Variants in ALMS1 observed in about 807,000 individuals in gnomAD.
The protein encoded by ALMS1 is centrosome-associated protein ALMS1.
A neutral mutation model predicts 352.2 loss-of-function variants in ALMS1; 271 were observed. That is an observed-to-expected ratio of 0.77 (90% CI 0.70 to 0.85). The LOEUF is 0.85. ALMS1 is among the 40% of genes least tolerant of loss of function. The pLI, the probability that ALMS1 is intolerant of heterozygous loss-of-function variation, is 0.00. For missense variants in ALMS1, 5,445 were observed against 4,870.7 expected, an observed-to-expected ratio of 1.12 and a Z score of -3.51; for synonymous variants, 1,865 against 1,761.2, an observed-to-expected ratio of 1.06 and a Z score of -1.48.
chr2:73,408,037 A>G (rs939383777), intron 1 of ALMS1, among the ~76,000 whole-genome samples: 62 of 151,910 alleles, frequency 4.1e-4, no homozygotes, highest in Admixed American at 3.9e-3. Context: ...CTTTAGAAGG[A>G]AATCTTATAT....
chr2:73,586,018 C>G (rs1290113495), intron 16 of ALMS1, among the ~76,000 whole-genome samples: 1 of 152,156 alleles, frequency 6.6e-6, no homozygotes, highest in Admixed American at 6.5e-5. Context: ...CCTCGGCCTC[C>G]CAAGATGCTG....
intron 1 of ALMS1, among the ~76,000 whole-genome samples, chr2:73,390,632 T>C (rs1670624964): frequency 6.6e-6 from 1 of 152,200 alleles, no homozygotes; most frequent in Non-Finnish European, 1.5e-5. Flanking sequence ...CTACAGACCA[T>C]TCAGGCACTT....
At position 73,453,657 on chromosome 2, in the gene ALMS1, C is replaced by G. The variant is rs1251161710; in HGVS notation, c.7130C>G (p.Thr2377Ser). ...AAAGTCAGTATGGCATTAGAAGAAA[C>G]TCTTAGGCAATATCAAGCAGCCAAA... ...ESKVSMALEE[T>S]LRQYQAAKSV... Residue 2377 changes from threonine to serine, a missense_variant, in exon 8 of 23, where the codon ACT becomes AGT. Transcript: ENST00000613296. The G allele has an allele frequency of 6.2e-7, 1 of 1,614,046 alleles. No individual in the cohort carries two copies. The highest frequency in any genetic ancestry group is 2.2e-5 in the East Asian group (1 of 44,876).
intron 12 of ALMS1, among the ~76,000 whole-genome samples, chr2:73,537,972 G>A (rs1002068924): frequency 3.3e-5 from 5 of 152,094 alleles, no homozygotes; most frequent in Non-Finnish European, 7.4e-5. Context: ...CGCCACTGCA[G>A]TCCACTCTGG....
chr2:73,567,356 T>G (rs559462103), intron 15 of ALMS1, among the ~76,000 whole-genome samples: 1 of 152,316 alleles, frequency 6.6e-6, no homozygotes, highest in South Asian at 2.1e-4. Flanking sequence ...AAGAACCAAG[T>G]ACAAAAACCA....
chr2:73,558,252 GT>G (rs1229057788), intron 14 of ALMS1, among the ~76,000 whole-genome samples: 9 of 152,142 alleles, frequency 5.9e-5, no homozygotes, highest in African/African-American at 1.9e-4. Context: ...AGTATTGATA[GT>G]TTCTGCCACA....
At chr2:73,564,686 C>T (rs921406013) in intron 15 of ALMS1, among the ~76,000 whole-genome samples, 1 of 152,120 alleles carries the variant, frequency 6.6e-6, no homozygotes, top group African/African-American at 2.4e-5. Context: ...GGGGACATAA[C>T]ATGAAACTTA....
intron 16 of ALMS1, among the ~76,000 whole-genome samples, chr2:73,584,893 A>G (rs892858212): frequency 4.6e-5 from 7 of 151,804 alleles, no homozygotes; most frequent in Non-Finnish European, 5.9e-5. Context: ...TTGATTTTCC[A>G]TTCCTGAGTT....
intron 9 of ALMS1, among the ~76,000 whole-genome samples, chr2:73,473,413 C>A (rs967529952): frequency 6.6e-6 from 1 of 152,008 alleles, no homozygotes; most frequent in Non-Finnish European, 1.5e-5. Context: ...ACAACACTTA[C>A]AACAAGCAGT....
Position 73,448,744 on chromosome 2 carries a change from T to C in ALMS1, c.2217T>C (p.Thr739=). 6.2e-6 allele frequency: 10 copies of C among 1,605,254 alleles called. No individual in the cohort carries two copies. The highest frequency in any genetic ancestry group is 8.5e-6 in the Non-Finnish European group (10 of 1,174,140). Residue 739 remains threonine, a synonymous_variant, in exon 8 of 23, where the codon ACT becomes ACC. Transcript: ENST00000613296. The stretch of plus-strand genomic sequence containing the variant: ...CAGACAGTCATCAAACTGAAGAGAC[T>C]CTTACTAAAGTTTCAGCCACTCCTG... ...EFADSHQTEE[T]LTKVSATPGP...
rs757528252 is a variant in ALMS1 at position 73,490,753 on chromosome 2, C to G, written c.8794C>G (p.Gln2932Glu). ...TCTTGAACAACGAGAACTCTTTGAACAGTGCAAAGCCCCATATGTAGATCA... is the reference window on the plus strand; with the variant it reads ...TCTTGAACAACGAGAACTCTTTGAAGAGTGCAAAGCCCCATATGTAGATCA... ...IFLEQRELFE[Q>E]CKAPYVDHQM... Residue 2932 changes from glutamine (Q) to glutamate (E), a missense_variant, in exon 10 of 23, where the codon CAG (glutamine) becomes GAG (glutamate). Physicochemically the swap from Gln to Glu is conservative, Grantham distance 29. Coordinates refer to ENST00000613296, the MANE Select transcript of ALMS1 (RefSeq NM_001378454.1). 6.2e-7 allele frequency: 1 copy of G among 1,614,122 alleles called. No individual in the cohort carries two copies. The highest frequency in any genetic ancestry group is 2.2e-5 in the East Asian group (1 of 44,888).
At chr2:73,393,085 T>C (rs962535212) in intron 1 of ALMS1, among the ~76,000 whole-genome samples, 5 of 152,208 alleles carry the variant, frequency 3.3e-5, no homozygotes, top group African/African-American at 4.8e-5. Context: ...TGTGTCTTCT[T>C]TGGAGAAATA....
chr2:73,405,305 A>T (rs1670951240), intron 1 of ALMS1, among the ~76,000 whole-genome samples: 1 of 151,928 alleles, frequency 6.6e-6, no homozygotes, highest in Non-Finnish European at 1.5e-5. Context: ...CATGTTACTC[A>T]GTCTTGGTAG....
intron 12 of ALMS1, among the ~76,000 whole-genome samples, chr2:73,547,335 A>T (rs1010845309): frequency 2.0e-5 from 3 of 152,252 alleles, no homozygotes; most frequent in African/African-American, 7.2e-5. Context: ...ACATCAGGTT[A>T]CTTACCTGGT....
At chr2:73,510,717 T>C (rs1673432043) in intron 10 of ALMS1, among the ~76,000 whole-genome samples, 1 of 152,208 alleles carries the variant, frequency 6.6e-6, no homozygotes. Flanking sequence ...GGAGGCATTC[T>C]GTCCCTTAGC....
At chr2:73,601,460 T>G in intron 19 of ALMS1, 24 bp downstream of exon 19, 1 of 1,612,186 alleles carries the variant, frequency 6.2e-7, no homozygotes. Flanking sequence ...GACTTAACTT[T>G]AATGCTACGT....
intron 10 of ALMS1, among the ~76,000 whole-genome samples, chr2:73,505,949 A>G (rs1010273084): frequency 6.6e-6 from 1 of 152,136 alleles, no homozygotes; most frequent in African/African-American, 2.4e-5. Context: ...TCTTTAATCC[A>G]TCTTGAGTTA....
intron 15 of ALMS1, among the ~76,000 whole-genome samples, chr2:73,563,243 A>G (rs1674703920): frequency 6.6e-6 from 1 of 152,212 alleles, no homozygotes; most frequent in African/African-American, 2.4e-5. Flanking sequence ...GGGGACATTA[A>G]TATAGATGAG....
At chr2:73,429,278 CTTTTTTTTTTT>C (rs5832107) in intron 6 of ALMS1, among the ~76,000 whole-genome samples, 2 of 102,708 alleles carry the variant, frequency 1.9e-5, no homozygotes, top group Admixed American at 1.0e-4. Context: ...AATTAATATG[CTTTTTTTTTTT>C]TTTTTTTTTG....
Sources: allele counts gnomAD v4.1 joint callset (sites outside exome capture counted in the v4.1 genomes callset), GRCh38; gene constraint gnomAD v4.1.1; transcripts MANE v1.5; gene names NCBI Gene and HGNC (gene_info 2026-07-23, HGNC 2026-07-21).